The following KIAA1217 variants were observed in gnomAD, a reference collection of about 807,000 sequenced individuals.
KIAA1217 encodes KIAA1217, also known as sickle tail protein homolog.
A neutral mutation model predicts 163.9 loss-of-function variants in KIAA1217; 88 were observed. The ratio of observed to expected loss-of-function variants is 0.54; its 90% confidence interval spans 0.45 to 0.64. The LOEUF (loss-of-function observed/expected upper bound fraction) is 0.64. Among genes scored for constraint, KIAA1217 ranks in the 30% least tolerant of loss-of-function variants. The pLI, the probability that KIAA1217 is intolerant of heterozygous loss-of-function variation, is 0.00. For missense variants in KIAA1217, 2,372 were observed against 2,475.0 expected (o/e 0.96, Z 0.88); for synonymous variants, 903 against 923.1 (o/e 0.98, Z 0.39).
chr10:23,752,655 T>C (rs912344630), intron 1 of KIAA1217, among the ~76,000 whole-genome samples: 13 of 152,222 alleles, frequency 8.5e-5, no homozygotes, highest in African/African-American at 3.1e-4. Context: ...CATTTTTGAC[T>C]ATGTTTACTT....
At chr10:23,706,370 C>T (rs1836885536) in intron 1 of KIAA1217, among the ~76,000 whole-genome samples, 1 of 152,132 alleles carries the variant, frequency 6.6e-6, no homozygotes, top group Admixed American at 6.6e-5. Context: ...TAAAAGCACC[C>T]AGTCTTTCAC....
At chr10:24,388,102 T>C (rs1333261430) in intron 3 of KIAA1217, among the ~76,000 whole-genome samples, 1 of 152,054 alleles carries the variant, frequency 6.6e-6, no homozygotes, top group East Asian at 1.9e-4. Flanking sequence ...GCCAAGACAA[T>C]CCTAAGCCAA....
chr10:24,449,746 G>A, intron 5 of KIAA1217: 2 of 985,322 alleles, frequency 2.0e-6, no homozygotes, highest in African/African-American at 1.7e-5. Context: ...AGAAAAGAAA[G>A]GCTCACGGAA....
chr10:24,306,016 G>A (rs2041970724), intron 2 of KIAA1217, among the ~76,000 whole-genome samples: 1 of 152,120 alleles, frequency 6.6e-6, no homozygotes, highest in South Asian at 2.1e-4. Flanking sequence ...TGACGTCAGA[G>A]TTAAAAAAGA....
At chr10:23,992,458 G>C (rs1846259345) in intron 1 of KIAA1217, among the ~76,000 whole-genome samples, 1 of 152,154 alleles carries the variant, frequency 6.6e-6, no homozygotes, top group Admixed American at 6.5e-5. Flanking sequence ...GAGAGGGATG[G>C]AGGCTGACAA....
chr10:24,129,663 C>T (rs1370588744), intron 2 of KIAA1217, among the ~76,000 whole-genome samples: 1 of 152,048 alleles, frequency 6.6e-6, no homozygotes, highest in African/African-American at 2.4e-5. Context: ...TCTGTTATCT[C>T]TTGTCCTATA....
At chr10:24,106,651 A>G (rs1453915214) in intron 2 of KIAA1217, among the ~76,000 whole-genome samples, 1 of 152,136 alleles carries the variant, frequency 6.6e-6, no homozygotes, top group East Asian at 1.9e-4. Flanking sequence ...CGTGCCAGGA[A>G]TCAGGAGGTC....
intron 1 of KIAA1217, among the ~76,000 whole-genome samples, chr10:23,830,571 T>C (rs1260963655): frequency 2.0e-5 from 3 of 151,866 alleles, no homozygotes; most frequent in Non-Finnish European, 4.4e-5. Flanking sequence ...TTTCCTCCCT[T>C]GCAGGTATGT....
chr10:24,128,609 T>G (rs1401203831), intron 2 of KIAA1217, among the ~76,000 whole-genome samples: 1 of 152,188 alleles, frequency 6.6e-6, no homozygotes. Flanking sequence ...GAAAGGGGCT[T>G]CCGGGCCTCT....
intron 2 of KIAA1217, among the ~76,000 whole-genome samples, chr10:24,347,022 G>A (rs2047878426): frequency 6.6e-6 from 1 of 152,094 alleles, no homozygotes; most frequent in Non-Finnish European, 1.5e-5. Flanking sequence ...TGAGTGTTAA[G>A]GTATATAAGA....
chr10:23,769,720 C>T (rs1834712728), intron 1 of KIAA1217, among the ~76,000 whole-genome samples: 1 of 152,206 alleles, frequency 6.6e-6, no homozygotes, highest in Admixed American at 6.5e-5. Context: ...TGGAACTGTA[C>T]ACTCTCAACC....
chr10:24,411,772 T>G (rs2057795809), intron 3 of KIAA1217, among the ~76,000 whole-genome samples: 1 of 152,180 alleles, frequency 6.6e-6, no homozygotes, highest in African/African-American at 2.4e-5. Flanking sequence ...ATGACTTTTT[T>G]TTTTCATTCG....
chr10:24,479,856 T>C (rs1431003090), intron 6 of KIAA1217, among the ~76,000 whole-genome samples: 2 of 152,168 alleles, frequency 1.3e-5, no homozygotes, highest in Non-Finnish European at 2.9e-5. Flanking sequence ...TCATTACTGA[T>C]AGAATGAATC....
intron 2 of KIAA1217, among the ~76,000 whole-genome samples, chr10:24,125,196 C>T (rs1473507598): frequency 6.6e-6 from 1 of 152,042 alleles, no homozygotes; most frequent in African/African-American, 2.4e-5. Flanking sequence ...TGCTTGAACC[C>T]GGGAGATGGA....
At chr10:24,420,044 G>A (rs2058604956) in intron 3 of KIAA1217, among the ~76,000 whole-genome samples, 1 of 152,014 alleles carries the variant, frequency 6.6e-6, no homozygotes, top group Admixed American at 6.6e-5. Flanking sequence ...TGGAACAAGT[G>A]TCCACATGTG....
intron 2 of KIAA1217, among the ~76,000 whole-genome samples, chr10:24,041,600 C>T (rs1265056900): frequency 2.6e-5 from 4 of 152,090 alleles, no homozygotes; most frequent in African/African-American, 7.2e-5. Context: ...ATCAGTTAGT[C>T]GGTACCCTAT....
At chr10:23,716,116 G>A (rs780960960) in intron 1 of KIAA1217, among the ~76,000 whole-genome samples, 5 of 152,042 alleles carry the variant, frequency 3.3e-5, no homozygotes, top group Admixed American at 1.3e-4. Flanking sequence ...AGAGATTTAC[G>A]TACATACTTC....
chr10:24,429,997 T>A (rs987872900), intron 3 of KIAA1217, among the ~76,000 whole-genome samples: 1 of 151,984 alleles, frequency 6.6e-6, no homozygotes, highest in African/African-American at 2.4e-5. Context: ...ATACAAAAAA[T>A]TAGCTGGGTG....
intron 1 of KIAA1217, chr10:23,877,426 G>A (rs1051990639): frequency 4.0e-5 from 6 of 151,816 alleles, no homozygotes; most frequent in African/African-American, 7.3e-5. Flanking sequence ...TTGGGCCCTC[G>A]GTTTAATGCT....
Sources: gnomAD v4.1 joint callset for allele counts (sites outside exome capture counted in the v4.1 genomes callset) on GRCh38, gnomAD v4.1.1 for gene constraint, MANE v1.5 for transcripts, NCBI Gene and HGNC (gene_info 2026-07-23, HGNC 2026-07-21) for gene names.